Variants in CCDC7 observed in about 807,000 individuals in gnomAD.
CCDC7 encodes the protein coiled-coil domain-containing protein 7.
CCDC7 carries 183 observed loss-of-function variants against 196.9 expected under a neutral mutation model. That is an observed-to-expected ratio of 0.93 (90% CI 0.82 to 1.05). The LOEUF (loss-of-function observed/expected upper bound fraction) is 1.05, where lower values mean the gene tolerates loss of function less well. Among genes scored for constraint, CCDC7 ranks in the 50% least tolerant of loss-of-function variants. The pLI is 0.00. For synonymous variants in CCDC7, 525 were observed against 484.6 expected (o/e 1.08, Z -1.10); for missense variants, 1,540 against 1,482.2 (o/e 1.04, Z -0.64).
intron 18 of CCDC7, among the ~76,000 whole-genome samples, chr10:32,590,467 A>C (rs1054556140): frequency 2.0e-5 from 3 of 152,018 alleles, no homozygotes; most frequent in African/African-American, 7.2e-5. Flanking sequence ...TTGTAGTTCT[A>C]TTTATTTTTA....
chr10:32,606,742 C>T (rs993934506), intron 18 of CCDC7, among the ~76,000 whole-genome samples: 4 of 152,128 alleles, frequency 2.6e-5, no homozygotes, highest in African/African-American at 9.7e-5. Context: ...AATGCCTGTA[C>T]TGTATCTAGA....
Position 32,821,931 on chromosome 10 carries a change from G to A in CCDC7, c.3182-2587G>A, listed in dbSNP as rs1468395370. On this transcript the variant is annotated intron_variant, in intron 31 of 41. Transcript: ENST00000639629. ...CATATGTAACAAACCTGCACGTTGT[G>A]CACATGTACCCTAAAACTTAAAGTA... 4.0e-5 allele frequency among the ~76,000 whole-genome samples: 6 copies of A among 151,666 alleles called. No homozygotes were observed. In the East Asian group the frequency reaches 1.2e-3, roughly 29 times the overall value.
chr10:32,584,868 ATAG>A (rs2059103581), intron 18 of CCDC7, among the ~76,000 whole-genome samples: 1 of 152,024 alleles, frequency 6.6e-6, no homozygotes, highest in Non-Finnish European at 1.5e-5. Context: ...CAAGCAAATA[ATAG>A]TATGTGGCAT....
At chr10:32,654,303 C>T (rs1047768742) in intron 20 of CCDC7, among the ~76,000 whole-genome samples, 1 of 152,164 alleles carries the variant, frequency 6.6e-6, no homozygotes, top group African/African-American at 2.4e-5. Context: ...GTAAGTCCAA[C>T]ATCTTGGCAT....
At chr10:32,446,999 A>G (rs1341843077), upstream of CCDC7, among the ~76,000 whole-genome samples, 4 of 138,882 alleles carry the variant, frequency 2.9e-5, no homozygotes, top group African/African-American at 1.0e-4. Flanking sequence ...GGGAGAGAGG[A>G]CACAATGCAA....
At chr10:32,619,691 G>A (rs1156403999) in intron 18 of CCDC7, among the ~76,000 whole-genome samples, 5 of 152,134 alleles carry the variant, frequency 3.3e-5, no homozygotes, top group African/African-American at 1.2e-4. Context: ...CTGAGCTCAA[G>A]CAATCTTCTT....
At chr10:32,682,361 G>A (rs1156878660) in intron 21 of CCDC7, among the ~76,000 whole-genome samples, 1 of 152,098 alleles carries the variant, frequency 6.6e-6, no homozygotes, top group Non-Finnish European at 1.5e-5. Context: ...ACAATTTATG[G>A]TGTACATGTA....
chr10:32,669,937 C>A (rs1215320148), intron 21 of CCDC7, among the ~76,000 whole-genome samples: 1 of 152,044 alleles, frequency 6.6e-6, no homozygotes, highest in African/African-American at 2.4e-5. Flanking sequence ...CATAAAAGGA[C>A]AAATTATAAT....
At chr10:32,818,786 A>G (rs1199380445) in intron 31 of CCDC7, among the ~76,000 whole-genome samples, 1 of 152,230 alleles carries the variant, frequency 6.6e-6, no homozygotes, top group Admixed American at 6.5e-5. Context: ...GACACAACAT[A>G]CCAGAATCTC....
intron 41 of CCDC7, among the ~76,000 whole-genome samples, chr10:32,873,104 G>A (rs1221889943): frequency 6.6e-6 from 1 of 152,080 alleles, no homozygotes; most frequent in Non-Finnish European, 1.5e-5. Flanking sequence ...GATTAGGGAA[G>A]TTCTCCTGGA....
At chr10:32,451,623 G>A (rs549308577), upstream of CCDC7, 2 of 1,543,548 alleles carry the variant, frequency 1.3e-6, no homozygotes, top group South Asian at 2.5e-5. Context: ...CTGTAATTTG[G>A]AAGCCAAGTC....
chr10:32,482,875 C>G (rs984735715), intron 8 of CCDC7, among the ~76,000 whole-genome samples: 12 of 152,204 alleles, frequency 7.9e-5, no homozygotes, highest in Non-Finnish European at 1.8e-4. Context: ...ATACATGCCA[C>G]ATTTTCTTAA....
intron 20 of CCDC7, among the ~76,000 whole-genome samples, chr10:32,660,820 C>T (rs1330747088): frequency 2.7e-5 from 4 of 148,912 alleles, no homozygotes; most frequent in African/African-American, 1.0e-4. Flanking sequence ...ATACAAAAAT[C>T]AATTCAAGAT....
chr10:32,828,070 G>C (rs2091416883), intron 32 of CCDC7, among the ~76,000 whole-genome samples: 1 of 152,102 alleles, frequency 6.6e-6, no homozygotes, highest in East Asian at 1.9e-4. Flanking sequence ...CTTGACTAAA[G>C]CATTTCTTTC....
At chr10:32,666,114 CT>C (rs2072627786) in intron 21 of CCDC7, among the ~76,000 whole-genome samples, 2 of 99,892 alleles carry the variant, frequency 2.0e-5, no homozygotes, top group East Asian at 4.5e-4. Context: ...TTAGAGTATT[CT>C]TTTTCTTTTT....
At chr10:32,743,653 G>T (rs913025959) in intron 28 of CCDC7, among the ~76,000 whole-genome samples, 30 of 152,092 alleles carry the variant, frequency 2.0e-4, no homozygotes, top group Non-Finnish European at 1.0e-4. Flanking sequence ...ATACCCAAAG[G>T]ATTATAAATG....
intron 20 of CCDC7, among the ~76,000 whole-genome samples, chr10:32,658,011 A>T (rs1412200083): frequency 2.0e-5 from 3 of 152,146 alleles, no homozygotes; most frequent in Non-Finnish European, 4.4e-5. Context: ...CAACTTCTTC[A>T]TCTCCATCTG....
intron 29 of CCDC7, among the ~76,000 whole-genome samples, 154 bp from the exon 31 acceptor site, chr10:32,804,861 T>A (rs547290789): frequency 6.6e-5 from 10 of 152,266 alleles, no homozygotes; most frequent in African/African-American, 2.4e-4. Flanking sequence ...TCCTAATGTT[T>A]AGTGATTTGG....
At chr10:32,815,847 A>G (rs1267908089) in intron 31 of CCDC7, among the ~76,000 whole-genome samples, 1 of 152,224 alleles carries the variant, frequency 6.6e-6, no homozygotes, top group African/African-American at 2.4e-5. Flanking sequence ...GTTGTATATT[A>G]AAAGTGCTGA....
Sources: gnomAD v4.1 joint callset for allele counts (sites outside exome capture counted in the v4.1 genomes callset) on GRCh38, gnomAD v4.1.1 for gene constraint, MANE v1.5 for transcripts, NCBI Gene and HGNC (gene_info 2026-07-23, HGNC 2026-07-21) for gene names.